The following DOCK1 variants were observed in gnomAD, a reference collection of about 807,000 sequenced individuals.
DOCK1 encodes dedicator of cytokinesis protein 1.
Under a neutral mutation model 262.7 loss-of-function variants are expected in DOCK1, and 138 were observed. The observed-to-expected ratio is 0.53, with a 90% CI of 0.46 to 0.61. DOCK1 has a LOEUF of 0.61. DOCK1 is among the 20% of genes least tolerant of loss of function. The probability of loss-of-function intolerance (pLI) is 0.00; values close to 1 mark genes in which losing one functional copy is unlikely to be tolerated. For missense variants in DOCK1, 1,908 were observed against 2,370.7 expected, an observed-to-expected ratio of 0.80 and a Z score of 4.05; for synonymous variants, 866 against 867.4, an observed-to-expected ratio of 1.00 and a Z score of 0.03.
intron 1 of DOCK1, among the ~76,000 whole-genome samples, chr10:126,948,925 T>C (rs903696315): frequency 3.9e-5 from 6 of 152,116 alleles, no homozygotes; most frequent in Non-Finnish European, 7.4e-5. Flanking sequence ...CTGGAGCTGG[T>C]TGTATGCCTG....
chr10:126,924,997 T>C (rs956826320), intron 1 of DOCK1, among the ~76,000 whole-genome samples: 1 of 152,248 alleles, frequency 6.6e-6, no homozygotes, highest in Non-Finnish European at 1.5e-5. Context: ...GCATCAGCTT[T>C]GCAGATTCTT....
intron 2 of DOCK1, among the ~76,000 whole-genome samples, chr10:126,976,342 G>A (rs796232944): frequency 9.2e-5 from 14 of 152,332 alleles, no homozygotes; most frequent in African/African-American, 2.9e-4. Flanking sequence ...AGTGAAATGA[G>A]TTCAGTTCAT....
chr10:126,973,948 T>G (rs1159810911), intron 2 of DOCK1, among the ~76,000 whole-genome samples: 1 of 152,210 alleles, frequency 6.6e-6, no homozygotes, highest in Non-Finnish European at 1.5e-5. Flanking sequence ...TTCTAGATGA[T>G]AAATCTTTAT....
chr10:127,445,219 T>C (rs1591090272), intron 50 of DOCK1, among the ~76,000 whole-genome samples: 4 of 152,150 alleles, frequency 2.6e-5, no homozygotes, highest in Admixed American at 2.6e-4. Context: ...GTGCTGAGGA[T>C]GGGGACGGCA....
chr10:127,326,982 C>G lies in DOCK1; in HGVS notation c.3045-12024C>G, dbSNP rs753356759. On this transcript the variant is annotated intron_variant, in intron 29 of 51. Coordinates refer to ENST00000623213, the MANE Select transcript of DOCK1 (RefSeq NM_001290223.2). Reference sequence around the variant, plus strand: ...GGCATCTTGTTTCTGAGTATCAGGTCTTAACAGTGGGCTTAAAACATTCAG... The same window carrying G: ...GGCATCTTGTTTCTGAGTATCAGGTGTTAACAGTGGGCTTAAAACATTCAG... 5.3e-5 allele frequency among the ~76,000 whole-genome samples: 8 copies of G among 152,172 alleles called. No homozygotes were observed. The South Asian group carries it at 6.2e-4, about 12-fold the overall frequency.
intron 21 of DOCK1, among the ~76,000 whole-genome samples, chr10:127,045,868 GC>G (rs1158382903): frequency 7.9e-5 from 12 of 152,150 alleles, no homozygotes; most frequent in Non-Finnish European, 1.6e-4. Flanking sequence ...CATCTGCTCC[GC>G]CCCCTCTAGC....
intron 4 of DOCK1, 106 bp downstream of exon 4, chr10:126,982,079 G>C: frequency 8.2e-7 from 1 of 1,216,678 alleles, no homozygotes; most frequent in East Asian, 2.4e-5. Context: ...CAATGGGTGT[G>C]ATTGACTCCT....
intron 29 of DOCK1, among the ~76,000 whole-genome samples, chr10:127,304,370 C>T (rs985485324): frequency 2.6e-5 from 4 of 152,028 alleles, no homozygotes; most frequent in Non-Finnish European, 4.4e-5. Flanking sequence ...TTATGGTGAG[C>T]GAAATTCTAA....
rs77291390 is a variant in DOCK1 at position 126,969,600 on chromosome 10, G to A, written c.47-1102G>A. ...TGGTGCCAGGGCTGTTTGGAGGAGC[G>A]GAGTTAAAAGATCAAACACAGACTT... is the stretch of plus-strand genomic sequence containing the variant. On this transcript the variant is annotated intron_variant, in intron 1 of 51. Coordinates refer to ENST00000623213, the MANE Select transcript of DOCK1 (RefSeq NM_001290223.2). 6.7e-3 allele frequency among the ~76,000 whole-genome samples: 1,018 copies of A among 152,264 alleles called. 54 individuals are homozygous for A. The East Asian group carries it at 0.12, about 18-fold the overall frequency.
intron 29 of DOCK1, among the ~76,000 whole-genome samples, chr10:127,286,059 G>A (rs538207767): frequency 2.6e-5 from 4 of 152,096 alleles, no homozygotes; most frequent in South Asian, 2.1e-4. Flanking sequence ...GGCTCAGCCC[G>A]ATGCGTCTAC....
At chr10:127,089,437 C>T (rs2047388218) in intron 23 of DOCK1, among the ~76,000 whole-genome samples, 1 of 152,148 alleles carries the variant, frequency 6.6e-6, no homozygotes, top group African/African-American at 2.4e-5. Flanking sequence ...CTCCTGTGCA[C>T]CCACTTTGTT....
intron 27 of DOCK1, among the ~76,000 whole-genome samples, chr10:127,166,306 C>A (rs993144723): frequency 1.1e-4 from 16 of 152,108 alleles, no homozygotes; most frequent in African/African-American, 3.9e-4. Context: ...ACCTCGTGAT[C>A]CACCCACCTC....
chr10:127,372,091 T>C (rs1050187029), intron 33 of DOCK1, among the ~76,000 whole-genome samples: 1 of 152,036 alleles, frequency 6.6e-6, no homozygotes, highest in Admixed American at 6.6e-5. Context: ...AAGAAGAAAA[T>C]TGGAGAGATT....
chr10:127,337,726 C>T (rs1240931523), intron 29 of DOCK1, among the ~76,000 whole-genome samples: 1 of 152,230 alleles, frequency 6.6e-6, no homozygotes, highest in African/African-American at 2.4e-5. Flanking sequence ...ACTCCACCTG[C>T]AGTTTTCTTT....
chr10:127,322,622 A>C (rs1020187318), intron 29 of DOCK1, among the ~76,000 whole-genome samples: 1 of 152,272 alleles, frequency 6.6e-6, no homozygotes, highest in Non-Finnish European at 1.5e-5. Flanking sequence ...TAAAGGATTG[A>C]AAAAAGGCAA....
At chr10:127,210,803 G>T (rs909876156) in intron 27 of DOCK1, among the ~76,000 whole-genome samples, 12 of 152,056 alleles carry the variant, frequency 7.9e-5, no homozygotes, top group Non-Finnish European at 1.5e-4. Context: ...CTCTCCCTCC[G>T]CTGCATTGTT....
intron 29 of DOCK1, among the ~76,000 whole-genome samples, chr10:127,336,405 C>A (rs2063192736): frequency 6.6e-6 from 1 of 151,900 alleles, no homozygotes; most frequent in Non-Finnish European, 1.5e-5. Context: ...TTGTTTTTGT[C>A]CCGGCATTTA....
intron 21 of DOCK1, among the ~76,000 whole-genome samples, 152 bp from the exon 22 acceptor site, chr10:127,052,525 CAAAA>C (rs71490107): frequency 4.3e-5 from 6 of 138,842 alleles, no homozygotes; most frequent in East Asian, 2.1e-4. Context: ...CTGTCTCAAA[CAAAA>C]AAAAAAAAAA....
intron 1 of DOCK1, among the ~76,000 whole-genome samples, chr10:126,956,551 G>C (rs1362424956): frequency 6.6e-6 from 1 of 152,176 alleles, no homozygotes; most frequent in African/African-American, 2.4e-5. Flanking sequence ...CCCCGCCCAC[G>C]TGCCTTGCTG....
Sources: gnomAD v4.1 joint callset for allele counts (sites outside exome capture counted in the v4.1 genomes callset) on GRCh38, gnomAD v4.1.1 for gene constraint, MANE v1.5 for transcripts, NCBI Gene and HGNC (gene_info 2026-07-23, HGNC 2026-07-21) for gene names.